Variants in SCML2 observed in about 807,000 individuals in gnomAD.
SCML2 encodes sex comb on midleg-like protein 2.
In SCML2, 6 loss-of-function variants were observed where a neutral mutation model predicts 48.4. The observed-to-expected ratio is 0.12, with a 90% CI of 0.07 to 0.24. SCML2 has a LOEUF of 0.24. SCML2 is among the 10% of genes least tolerant of loss of function. SCML2 has a pLI of 1.00. For missense variants in SCML2, 377 were observed against 528.2 expected (o/e 0.71, Z 2.81); for synonymous variants, 181 against 189.5 (o/e 0.95, Z 0.37).
chrX:18,278,869 C>T (rs1039083905), intron 7 of SCML2, among the ~76,000 whole-genome samples: 7 of 112,933 alleles, frequency 6.2e-5, no homozygotes, highest in South Asian at 7.3e-4. Flanking sequence ...TCTGTGGCTG[C>T]CACTCGAGGA....
At chrX:18,327,652 T>C (rs1175856196) in intron 3 of SCML2, among the ~76,000 whole-genome samples, 4 of 112,366 alleles carry the variant, frequency 3.6e-5, no homozygotes, top group Non-Finnish European at 7.5e-5. Context: ...TCCTTTATAC[T>C]AGTGCTCTAC....
In SCML2 at chrX:18,262,997, T is replaced by C. The variant is rs1005951873; in HGVS notation, c.948+2588A>G. 1.8e-3 allele frequency among the ~76,000 whole-genome samples: 195 copies of C among 111,396 alleles called. 3 individuals carry two copies. Among genetic ancestry groups the C allele is most frequent in the African/African-American group, 6.2e-3 (186 of 29,863 alleles). On this transcript the variant is annotated intron_variant, in intron 8 of 14. Transcript: ENST00000251900. ...TCCCAAAGTGCTGGGATTACAGGCA[T>C]GAGCCACTGTACCCAGCCCCTCCTT...
intron 7 of SCML2, among the ~76,000 whole-genome samples, chrX:18,303,110 G>A (rs987208988): frequency 1.8e-5 from 2 of 110,749 alleles, no homozygotes; most frequent in East Asian, 2.8e-4. Flanking sequence ...AACCACATTC[G>A]TAACAGCAGG....
chrX:18,294,678 C>A (rs1313739152), intron 7 of SCML2, among the ~76,000 whole-genome samples: 2 of 110,750 alleles, frequency 1.8e-5, no homozygotes, highest in African/African-American at 6.6e-5. Context: ...CAGAGGGCTG[C>A]AGTGGCACAA....
intron 3 of SCML2, among the ~76,000 whole-genome samples, chrX:18,327,899 T>C (rs778326757): frequency 5.4e-5 from 6 of 111,559 alleles, no homozygotes; most frequent in East Asian, 5.7e-4. Flanking sequence ...AATACCACCA[T>C]TGGAATTCCC....
chrX:18,246,849 G>C, intron 12 of SCML2, 21 bp from the exon 13 acceptor site: 1 of 1,174,979 alleles, frequency 8.5e-7, no homozygotes, highest in South Asian at 2.0e-5. Context: ...AAAGACAAAG[G>C]AGGCTATCTT....
At chrX:18,275,601 T>TA (rs1424153074) in intron 7 of SCML2, among the ~76,000 whole-genome samples, 1 of 112,606 alleles carries the variant, frequency 8.9e-6, no homozygotes, top group African/African-American at 3.2e-5. Context: ...GTTCCACTGT[T>TA]ATATCTCAAA....
chrX:18,285,484 T>C (rs749973932), intron 7 of SCML2, among the ~76,000 whole-genome samples: 1 of 109,919 alleles, frequency 9.1e-6, no homozygotes, highest in Admixed American at 9.8e-5. Flanking sequence ...TCCTCACTTA[T>C]ACGTGAGAGC....
intron 1 of SCML2, among the ~76,000 whole-genome samples, chrX:18,340,477 G>A (rs760952827): frequency 8.9e-6 from 1 of 111,799 alleles, no homozygotes; most frequent in South Asian, 3.7e-4. Flanking sequence ...TAAGATTGAC[G>A]CTCAGGACAG....
chrX:18,292,060 A>G (rs1349211916), intron 7 of SCML2, among the ~76,000 whole-genome samples: 1 of 112,028 alleles, frequency 8.9e-6, no homozygotes, highest in African/African-American at 3.2e-5. Flanking sequence ...GCAAACTATA[A>G]AGGAATATTA....
intron 3 of SCML2, among the ~76,000 whole-genome samples, chrX:18,329,243 C>T (rs1237822615): frequency 8.9e-6 from 1 of 111,845 alleles, no homozygotes; most frequent in Non-Finnish European, 1.9e-5. Flanking sequence ...CAGTCTAATT[C>T]AATGGCCTCC....
intron 1 of SCML2, among the ~76,000 whole-genome samples, chrX:18,346,928 G>C (rs1930217011): frequency 1.8e-5 from 2 of 111,548 alleles, no homozygotes; most frequent in Non-Finnish European, 3.8e-5. Context: ...ATACAGGATA[G>C]AAAAAGTGTA....
chrX:18,324,167 A>G lies in SCML2; in HGVS notation c.163-74T>C, dbSNP rs190956143. On this transcript the variant is annotated intron_variant, in intron 4 of 14. Coordinates refer to ENST00000251900, the MANE Select transcript of SCML2 (RefSeq NM_006089.3). The stretch of plus-strand genomic sequence containing the variant: ...GACACATGGACAGCTATGTCACCAG[A>G]ATACCTGAGGAACATTTTAAATAAC... The G allele has an allele frequency of 3.1e-4, 191 of 616,321 alleles. 1 individual carries two copies. The African/African-American group carries it at 3.6e-3, about 12-fold the overall frequency. 50.8% of individuals were successfully genotyped at this position (616,321 alleles called of 1,213,427 possible).
intron 7 of SCML2, among the ~76,000 whole-genome samples, chrX:18,298,789 C>T (rs765337217): frequency 9.2e-6 from 1 of 108,492 alleles, no homozygotes; most frequent in South Asian, 4.2e-4. Context: ...CACTGCACTC[C>T]AGCCTAGGTG....
intron 3 of SCML2, 109 bp from the exon 4 acceptor site, chrX:18,325,086 GAAA>G: frequency 2.5e-5 from 6 of 241,650 alleles, no homozygotes; most frequent in Non-Finnish European, 3.6e-5. Context: ...CCTCTTAAAA[GAAA>G]AAAAAAAAAA....
chrX:18,242,956 T>C (rs972926213), intron 13 of SCML2, among the ~76,000 whole-genome samples: 15 of 112,769 alleles, frequency 1.3e-4, no homozygotes, highest in Non-Finnish European at 2.4e-4. Flanking sequence ...TTACTTTAAG[T>C]CTTTCAAGGA....
At chrX:18,308,348 GA>G (rs1928833374) in intron 6 of SCML2, among the ~76,000 whole-genome samples, 1 of 64,845 alleles carries the variant, frequency 1.5e-5, no homozygotes, top group African/African-American at 6.3e-5. Flanking sequence ...AGGGAGGGAG[GA>G]AAGGACAGGG....
At chrX:18,281,892 G>A (rs1927870049) in intron 7 of SCML2, among the ~76,000 whole-genome samples, 1 of 111,122 alleles carries the variant, frequency 9.0e-6, no homozygotes, top group Admixed American at 9.5e-5. Flanking sequence ...GGGAGGCCAA[G>A]GTGGGTGGAT....
chrX:18,295,451 G>A (rs1445711752), intron 7 of SCML2, among the ~76,000 whole-genome samples: 1 of 112,128 alleles, frequency 8.9e-6, no homozygotes, highest in South Asian at 3.7e-4. Context: ...GCACATACCC[G>A]TTGGGGGCCT....
Sources: gnomAD v4.1 joint callset for allele counts (sites outside exome capture counted in the v4.1 genomes callset) on GRCh38, gnomAD v4.1.1 for gene constraint, MANE v1.5 for transcripts, NCBI Gene and HGNC (gene_info 2026-07-23, HGNC 2026-07-21) for gene names.